GABRG3: variants seen among roughly 807,000 people sequenced by gnomAD.
GABRG3 encodes the protein gamma-aminobutyric acid receptor subunit gamma-3.
GABRG3 carries 25 observed loss-of-function variants against 48.8 expected under a neutral mutation model. That is an observed-to-expected ratio of 0.51 (90% confidence interval 0.37 to 0.72). The LOEUF is 0.72. Ranked by LOEUF, GABRG3 falls within the 30% of genes least tolerant of loss-of-function variation. GABRG3 has a pLI of 0.00. For missense variants in GABRG3, 394 were observed against 577.9 expected (o/e 0.68, Z 3.26); for synonymous variants, 227 against 217.6 (o/e 1.04, Z -0.38).
chr15:27,224,619 C>A (rs890474137), intron 3 of GABRG3, among the ~76,000 whole-genome samples: 5 of 152,198 alleles, frequency 3.3e-5, no homozygotes, highest in Non-Finnish European at 5.9e-5. Context: ...GTTCTTCTTG[C>A]AATGCTTTTC....
rs373622912 is a variant in GABRG3 at position 26,974,983 on chromosome 15, C to T, written c.54-2019C>T. ...CTGCCTCCTGGGTTCAAGCAATTCT[C>T]TTGCCTCAGCCTCCTGAATAGCCAG... On this transcript the variant is annotated intron_variant, in intron 1 of 9. Transcript: ENST00000615808. The surrounding 1 kb of genome is among the most constrained non-coding windows in gnomAD (Gnocchi z 4.3). Among the ~76,000 whole-genome samples the T allele has an allele frequency of 6.6e-6, 1 of 151,470 alleles. No homozygotes were observed. Among genetic ancestry groups the T allele is most frequent in the East Asian group, 1.9e-4 (1 of 5,142 alleles).
At chr15:27,078,352 C>T (rs566641400) in intron 3 of GABRG3, among the ~76,000 whole-genome samples, 2 of 152,262 alleles carry the variant, frequency 1.3e-5, no homozygotes, top group African/African-American at 4.8e-5. Flanking sequence ...CTTTTGGTTC[C>T]GTTTCTTTGG....
chr15:27,530,866 A>C, intron 9 of GABRG3: 1 of 352,318 alleles, frequency 2.8e-6, no homozygotes, highest in South Asian at 2.1e-5. Flanking sequence ...CTGTCAAAGC[A>C]CACGTGTAGG....
At chr15:27,203,501 A>G (rs1888756014) in intron 3 of GABRG3, among the ~76,000 whole-genome samples, 1 of 152,208 alleles carries the variant, frequency 6.6e-6, no homozygotes, top group Non-Finnish European at 1.5e-5. Flanking sequence ...TGTGATGAAC[A>G]TGCACATGCG....
chr15:27,533,164 T>C lies in GABRG3; in HGVS notation c.*283T>C. On this transcript the variant is annotated 3_prime_UTR_variant, in exon 10 of 10. Coordinates refer to ENST00000615808, the MANE Select transcript of GABRG3 (RefSeq NM_033223.5). ...GTGTTGTTTCTGAATGGTTTTTGGA[T>C]ATTGGAAGCAGCCGCTGATTACCCT... 2.8e-6 allele frequency: 1 copy of C among 350,896 alleles called. No homozygotes were observed. The highest frequency in any genetic ancestry group is 5.2e-6 in the Non-Finnish European group (1 of 191,476). The allele number at this position is 350,896 out of a possible 1,614,324, so 21.7% of individuals were successfully genotyped here. A position where few individuals can be genotyped will look rare whatever the true frequency, so the allele number is the denominator to read the frequency against.
At chr15:27,151,962 C>T (rs1898324231) in intron 3 of GABRG3, among the ~76,000 whole-genome samples, 1 of 152,158 alleles carries the variant, frequency 6.6e-6, no homozygotes, top group Non-Finnish European at 1.5e-5. Flanking sequence ...CTTGTGTTGA[C>T]ATCCTCTTAG....
chr15:27,378,932 A>G (rs1391000906), intron 5 of GABRG3, among the ~76,000 whole-genome samples: 1 of 132,198 alleles, frequency 7.6e-6, no homozygotes, highest in Non-Finnish European at 1.6e-5. Flanking sequence ...GAAAGAACAA[A>G]TCATGTTGTA....
intron 3 of GABRG3, among the ~76,000 whole-genome samples, chr15:27,288,942 C>T (rs1891709542): frequency 6.6e-6 from 1 of 152,180 alleles, no homozygotes; most frequent in South Asian, 2.1e-4. Context: ...GATGTATTCA[C>T]TGCGTATAGA....
In GABRG3 at chr15:27,227,357, C is replaced by T. The variant is rs181606027; in HGVS notation, c.271-99452C>T. 3.5e-3 allele frequency among the ~76,000 whole-genome samples: 534 copies of T among 151,896 alleles called. 2 individuals carry two copies. The highest frequency in any genetic ancestry group is 0.012 in the African/African-American group (512 of 41,330). On this transcript the variant is annotated intron_variant, in intron 3 of 9. Coordinates refer to ENST00000615808, the MANE Select transcript of GABRG3 (RefSeq NM_033223.5). The stretch of plus-strand genomic sequence containing the variant: ...AACAGAAAAGTTACCTGGGCCTGGG[C>T]GTGGTGGTGTGCACCTGTAGTCCTT...
At chr15:26,984,862 C>T (rs1026716834) in intron 2 of GABRG3, among the ~76,000 whole-genome samples, 4 of 152,178 alleles carry the variant, frequency 2.6e-5, no homozygotes, top group African/African-American at 9.7e-5. Context: ...CAGAAGGTTA[C>T]ATATTGGCTT....
intron 6 of GABRG3, among the ~76,000 whole-genome samples, chr15:27,489,397 T>A (rs1340718235): frequency 2.6e-5 from 4 of 152,174 alleles, no homozygotes; most frequent in Admixed American, 6.5e-5. Flanking sequence ...TATACCCAGT[T>A]ACGGGATTGC....
At position 27,326,878 on chromosome 15, in the gene GABRG3, A is replaced by G. The variant is rs761865185; in HGVS notation, c.340A>G (p.Lys114Glu). Residue 114 changes from lysine (K) to glutamate (E), a missense_variant, in exon 4 of 10, where the codon AAA becomes GAA. By Grantham distance (56) the Lys-to-Glu change is moderately conservative (BLOSUM62 1). Transcript: ENST00000615808. ...TCGCCTTCGATTCAACAGCACAATG[A>G]AAATTCTTACTCTGAACAGCAACAT... The part of the protein sequence containing the change: ...DSRLRFNSTM[K>E]ILTLNSNMVG... 1.2e-6 allele frequency: 2 copies of G among 1,614,056 alleles called. No homozygotes were observed. Among genetic ancestry groups the G allele is most frequent in the Non-Finnish European group, 1.7e-6 (2 of 1,179,898 alleles).
chr15:26,980,258 C>T (rs1336412284), intron 2 of GABRG3, among the ~76,000 whole-genome samples: 1 of 152,090 alleles, frequency 6.6e-6, no homozygotes, highest in Non-Finnish European at 1.5e-5. Context: ...AAAGAACCAA[C>T]TTTTTGTATG....
At chr15:27,124,407 G>T (rs2140378366) in intron 3 of GABRG3, among the ~76,000 whole-genome samples, 1 of 152,260 alleles carries the variant, frequency 6.6e-6, no homozygotes, top group East Asian at 1.9e-4. Context: ...TGGGCTCTCT[G>T]TCCAGGCTGC....
rs1305490803 is a variant in GABRG3, at chr15:27,352,122, A to G, written c.574+23234A>G. On this transcript the variant is annotated intron_variant, in intron 5 of 9. Transcript: ENST00000615808. The surrounding 1 kb of genome is among the most constrained non-coding windows in gnomAD (Gnocchi z 4.0). ...ATGTGTGTATGTATGGTGTGTGTGTATGTATGATGTGTGTATTGTGTGTTT... is the reference window on the plus strand; with the variant it reads ...ATGTGTGTATGTATGGTGTGTGTGTGTGTATGATGTGTGTATTGTGTGTTT... 7.0e-6 allele frequency among the ~76,000 whole-genome samples: 1 copy of G among 142,354 alleles called. No homozygotes were observed. The highest frequency in any genetic ancestry group is 1.5e-5 in the Non-Finnish European group (1 of 65,092). The allele number at this position is 142,354 out of a possible 152,430, so 93.4% of individuals were successfully genotyped here.
intron 3 of GABRG3, among the ~76,000 whole-genome samples, chr15:27,187,103 T>G (rs1269558074): frequency 6.6e-6 from 1 of 152,202 alleles, no homozygotes; most frequent in East Asian, 1.9e-4. Context: ...TTATATATGG[T>G]GATAAATAGG....
At chr15:27,293,691 A>C (rs895149473) in intron 3 of GABRG3, among the ~76,000 whole-genome samples, 3 of 136,482 alleles carry the variant, frequency 2.2e-5, no homozygotes, top group East Asian at 4.0e-4. Context: ...AAAAACAAAC[A>C]AAAAAAAAAA....
intron 6 of GABRG3, among the ~76,000 whole-genome samples, chr15:27,494,867 A>G (rs539226313): frequency 6.6e-6 from 1 of 152,012 alleles, no homozygotes; most frequent in East Asian, 1.9e-4. Context: ...CCCTGATTCT[A>G]CTTGATTTGG....
At chr15:27,062,619 A>G (rs1403786967) in intron 3 of GABRG3, among the ~76,000 whole-genome samples, 1 of 151,874 alleles carries the variant, frequency 6.6e-6, no homozygotes, top group African/African-American at 2.4e-5. Flanking sequence ...AAAAACAAAC[A>G]AACCAACAAA....
Sources: allele counts gnomAD v4.1 joint callset (sites outside exome capture counted in the v4.1 genomes callset), GRCh38; gene constraint gnomAD v4.1.1; non-coding constraint Gnocchi (gnomAD v3.1); transcripts MANE v1.5; gene names NCBI Gene and HGNC (gene_info 2026-07-23, HGNC 2026-07-21).